The following ACSM3 variants were observed in gnomAD, a reference collection of about 807,000 sequenced individuals.
ACSM3 encodes acyl-coenzyme A synthetase ACSM3, mitochondrial.
ACSM3 carries 61 observed loss-of-function variants against 74.1 expected under a neutral mutation model. The ratio of observed to expected loss-of-function variants is 0.82; its 90% CI spans 0.67 to 1.02. ACSM3 has a LOEUF of 1.02. Ranked by LOEUF, ACSM3 falls within the 50% of genes least tolerant of loss-of-function variation. The pLI, the probability that ACSM3 is intolerant of heterozygous loss-of-function variation, is 0.00. For synonymous variants in ACSM3, 213 were observed against 241.5 expected (o/e 0.88, Z 1.09); for missense variants, 660 against 697.0 (o/e 0.95, Z 0.60).
At chr16:20,778,705 T>C (rs898810356) in intron 4 of ACSM3, among the ~76,000 whole-genome samples, 4 of 152,122 alleles carry the variant, frequency 2.6e-5, no homozygotes, top group African/African-American at 7.2e-5. Context: ...TTCCTCAGGT[T>C]TTGAGGGCAA....
chr16:20,748,383 C>A (rs1386821319), intron 1 of ACSM3, among the ~76,000 whole-genome samples: 1 of 151,996 alleles, frequency 6.6e-6, no homozygotes, highest in African/African-American at 2.4e-5. Context: ...TTTTAGGGGT[C>A]ACACCATCCT....
At chr16:20,723,791 A>C (rs1596485522) in intron 1 of ACSM3, among the ~76,000 whole-genome samples, 1 of 152,052 alleles carries the variant, frequency 6.6e-6, no homozygotes, top group African/African-American at 2.4e-5. Context: ...CCCTTTGTCA[A>C]ATGAGTAGGT....
intron 1 of ACSM3, among the ~76,000 whole-genome samples, chr16:20,675,162 G>GGTGTGTGTAT (rs1406365423): frequency 6.6e-6 from 1 of 152,080 alleles, no homozygotes; most frequent in Non-Finnish European, 1.5e-5. Flanking sequence ...GGGTAGAAGT[G>GGTGTGTGTAT]GTGTGTGTAT....
At chr16:20,725,122 C>T (rs946883291) in intron 1 of ACSM3, among the ~76,000 whole-genome samples, 2 of 152,202 alleles carry the variant, frequency 1.3e-5, no homozygotes, top group African/African-American at 4.8e-5. Context: ...CGCTACCTGA[C>T]TTCAAACTAT....
chr16:20,759,917 T>C (rs1189810808), upstream of ACSM3, among the ~76,000 whole-genome samples: 4 of 152,098 alleles, frequency 2.6e-5, no homozygotes, highest in African/African-American at 9.7e-5. Context: ...GCCCCCAAAC[T>C]GACTGAATTG....
intron 1 of ACSM3, among the ~76,000 whole-genome samples, chr16:20,686,978 ATTTTT>A (rs34041438): frequency 1.5e-5 from 2 of 135,994 alleles, no homozygotes; most frequent in East Asian, 2.1e-4. Flanking sequence ...AAATTTTGTG[ATTTTT>A]TTTTTTTTTT....
At chr16:20,741,283 T>C (rs1292555051) in intron 1 of ACSM3, among the ~76,000 whole-genome samples, 1 of 152,196 alleles carries the variant, frequency 6.6e-6, no homozygotes, top group Non-Finnish European at 1.5e-5. Context: ...CTACCGTGGT[T>C]ACTGATGGCA....
At chr16:20,753,273 G>A (rs535159455) in intron 2 of ACSM3, among the ~76,000 whole-genome samples, 243 of 151,948 alleles carry the variant, frequency 1.6e-3, no homozygotes, top group Non-Finnish European at 2.6e-3. Context: ...AGACCAGCCC[G>A]GCCAACATGG....
At chr16:20,731,654 G>A in intron 1 of ACSM3, 1 of 383,872 alleles carries the variant, frequency 2.6e-6, no homozygotes. Flanking sequence ...GCTCCATCCT[G>A]TAAGTCCTAC....
chr16:20,697,704 T>C (rs778250030), intron 1 of ACSM3: 6 of 152,054 alleles, frequency 3.9e-5, no homozygotes, highest in Non-Finnish European at 8.8e-5. Flanking sequence ...GAGCTCTCTT[T>C]TGTAGGTTCA....
At chr16:20,777,318 A>C (rs2080267151) in intron 3 of ACSM3, 55 bp from the exon 4 acceptor site, 1 of 1,499,608 alleles carries the variant, frequency 6.7e-7, no homozygotes, top group Non-Finnish European at 9.2e-7. Flanking sequence ...ACACTACTCT[A>C]ACATAATGAA....
chr16:20,710,522 T>C (rs1266602278), intron 1 of ACSM3, among the ~76,000 whole-genome samples: 1 of 152,128 alleles, frequency 6.6e-6, no homozygotes, highest in Non-Finnish European at 1.5e-5. Context: ...ATTTTAAAAA[T>C]TAAATACAGA....
chr16:20,705,247 C>G (rs2079723661), intron 1 of ACSM3, among the ~76,000 whole-genome samples: 1 of 152,002 alleles, frequency 6.6e-6, no homozygotes. Context: ...GTGGTGGGCA[C>G]CTGTAGTCCC....
At chr16:20,742,954 T>G (rs2152425657) in intron 1 of ACSM3, among the ~76,000 whole-genome samples, 1 of 148,980 alleles carries the variant, frequency 6.7e-6, no homozygotes, top group South Asian at 2.1e-4. Flanking sequence ...TTTTTTTTTT[T>G]TTTTGAGATG....
chr16:20,682,481 A>G lies in ACSM3; in HGVS notation c.-190+7659A>G, dbSNP rs772551323. 13 of 1,606,328 alleles carry G rather than the reference A, an allele frequency of 8.1e-6. No homozygotes were observed. The Admixed American group carries it at 2.2e-4, about 27-fold the overall frequency. On this transcript the variant is annotated intron_variant, in intron 1 of 3. Coordinates refer to the ACSM3 transcript ENST00000561584. ...GATGATCCCTGGGGATGAGAAAGGA[A>G]CTGATTGTTTTGGTTTCTTTTTCAC... is the stretch of plus-strand genomic sequence containing the variant.
intron 1 of ACSM3, chr16:20,736,820 C>A (rs2079873531): frequency 4.5e-6 from 7 of 1,540,766 alleles, no homozygotes; most frequent in East Asian, 2.3e-5. Context: ...TAAGGTGGAG[C>A]CCCAGCAACA....
rs2079768533 is a variant in ACSM3, at chr16:20,717,911, A to C, written c.-189-31999A>C. On this transcript the variant is annotated intron_variant, in intron 1 of 3. Transcript: ENST00000561584. ...GGGAAGAAGGAGAAGGAGGAAAAAA[A>C]GAAGAAGAAGGAGGAGAAGGAGAAG... 3.0e-5 allele frequency among the ~76,000 whole-genome samples: 4 copies of C among 132,198 alleles called. No individual in the cohort carries two copies. In the South Asian group the frequency reaches 1.0e-3, roughly 34 times the overall value. 86.7% of individuals were successfully genotyped at this position (132,198 alleles called of 152,430 possible). A position where few individuals can be genotyped will look rare whatever the true frequency, so the allele number is the denominator to read the frequency against.
intron 2 of ACSM3, among the ~76,000 whole-genome samples, chr16:20,773,656 G>C (rs779751213): frequency 1.3e-5 from 2 of 151,828 alleles, no homozygotes; most frequent in Non-Finnish European, 2.9e-5. Context: ...CCATGTATTT[G>C]TACAGTTTTC....
At position 20,704,748 on chromosome 16, in the gene ACSM3, C is replaced by G. The variant is rs565185667; in HGVS notation, c.-190+29926C>G. 5.9e-5 allele frequency among the ~76,000 whole-genome samples: 9 copies of G among 152,196 alleles called. No individual in the cohort carries two copies. The East Asian group carries it at 1.4e-3, about 23-fold the overall frequency. ...ATAGCCAAGTTATAAAACAGGATGA[C>G]TTCATAAAAGAGGATGATTTTGGAG... is the stretch of plus-strand genomic sequence containing the variant. On this transcript the variant is annotated intron_variant, in intron 1 of 3. Transcript: ENST00000561584.
Sources: gnomAD v4.1 joint callset for allele counts (sites outside exome capture counted in the v4.1 genomes callset) on GRCh38, gnomAD v4.1.1 for gene constraint, MANE v1.5 for transcripts, NCBI Gene and HGNC (gene_info 2026-07-23, HGNC 2026-07-21) for gene names.